Variants in COX7A2 observed in about 807,000 individuals in gnomAD.
COX7A2 encodes cytochrome c oxidase subunit 7A2.
A neutral mutation model predicts 11.6 loss-of-function variants in COX7A2; 11 were observed. The observed-to-expected ratio is 0.95, with a 90% CI of 0.60 to 1.57. COX7A2 has a LOEUF of 1.57. COX7A2 is among the 40% of genes most tolerant of loss of function. COX7A2 has a pLI of 0.00. For synonymous variants in COX7A2, 30 were observed against 38.2 expected, an observed-to-expected ratio of 0.78 and a Z score of 0.79; for missense variants, 106 against 100.9, an observed-to-expected ratio of 1.05 and a Z score of -0.22.
At chr6:75,243,936 T>G, upstream of COX7A2, 2 of 991,072 alleles carry the variant, frequency 2.0e-6, no homozygotes, top group South Asian at 1.5e-5. Context: ...TCTAGCCGGC[T>G]CGCCGTCTCA....
chr6:75,245,490 C>CAA (rs11446150), upstream of COX7A2, among the ~76,000 whole-genome samples: 1,730 of 132,312 alleles, frequency 0.013, 25 homozygotes, highest in African/African-American at 0.024. Context: ...GACTTCATAT[C>CAA]AAAAAAAAAA....
At chr6:75,238,473 C>T (rs1325759427) in intron 3 of COX7A2, among the ~76,000 whole-genome samples, 2 of 151,616 alleles carry the variant, frequency 1.3e-5, no homozygotes, top group Non-Finnish European at 1.5e-5. Context: ...TTTGGGAGGC[C>T]GAGGCGGGCG....
At chr6:75,248,017 GCT>G (rs1198322585), upstream of COX7A2, among the ~76,000 whole-genome samples, 1 of 151,724 alleles carries the variant, frequency 6.6e-6, no homozygotes, top group Non-Finnish European at 1.5e-5. Context: ...TTTATAACCT[GCT>G]CTCTCTGCAG....
rs1252307412 is a variant in COX7A2, at chr6:75,241,062, G to T, written c.108+114C>A. ...ATGGTACATGTCCTTGACTTTTTTT[G>T]TAATGTTTATATTGTCATATGATCT... On this transcript the variant is annotated intron_variant, in intron 2 of 3. Transcript: ENST00000684430. 6 of 1,343,918 alleles carry T rather than the reference G, an allele frequency of 4.5e-6. No homozygotes were observed. The Admixed American group carries it at 8.4e-5, about 19-fold the overall frequency. The allele number at this position is 1,343,918 out of a possible 1,614,324, so 83.2% of individuals were successfully genotyped here. A position where few individuals can be genotyped will look rare whatever the true frequency, so the allele number is the denominator to read the frequency against.
chr6:75,243,851 G>A (rs1771612355), upstream of COX7A2: 1 of 1,608,408 alleles, frequency 6.2e-7, no homozygotes, highest in African/African-American at 1.3e-5. Flanking sequence ...AAATCTTTCC[G>A]GGCCGAAGAG....
chr6:75,244,005 G>T, upstream of COX7A2: 1 of 565,490 alleles, frequency 1.8e-6, no homozygotes, highest in Non-Finnish European at 3.1e-6. Flanking sequence ...CTGGAGCTAA[G>T]GCTGGGGAAA....
chr6:75,244,059 T>C (rs996260486), upstream of COX7A2: 6 of 409,778 alleles, frequency 1.5e-5, no homozygotes, highest in African/African-American at 1.2e-4. Context: ...TTAGATGAAG[T>C]CAATGTGAGA....
At chr6:75,247,156 A>T (rs147652299), upstream of COX7A2, among the ~76,000 whole-genome samples, 1 of 152,322 alleles carries the variant, frequency 6.6e-6, no homozygotes, top group African/African-American at 2.4e-5. Flanking sequence ...GTACTAAGTG[A>T]AAATATCTCA....
In COX7A2 at chr6:75,241,100, T is replaced by C. The variant is rs1325943787; in HGVS notation, c.108+76A>G. The C allele has an allele frequency of 5.2e-6, 8 of 1,529,388 alleles. No homozygotes were observed. The Admixed American group carries it at 5.2e-5, about 10-fold the overall frequency. 94.7% of individuals were successfully genotyped at this position (1,529,388 alleles called of 1,614,324 possible). A position where few individuals can be genotyped will look rare whatever the true frequency, so the allele number is the denominator to read the frequency against. On this transcript the variant is annotated intron_variant, in intron 2 of 3. Transcript: ENST00000684430. ...TGTCATATGATCTAATTTATACACA[T>C]ACTTGTTTATCCCAACTCTTACCTT...
intron 1 of COX7A2, among the ~76,000 whole-genome samples, chr6:75,243,330 T>C (rs1052173106): frequency 2.6e-5 from 4 of 152,086 alleles, no homozygotes; most frequent in Non-Finnish European, 4.4e-5. Context: ...TTAAAACCTT[T>C]CAGTACCAGA....
chr6:75,247,690 ATTTT>A (rs201436077), upstream of COX7A2, among the ~76,000 whole-genome samples: 2 of 147,868 alleles, frequency 1.4e-5, no homozygotes, highest in African/African-American at 4.9e-5. Context: ...CTAATCTCTG[ATTTT>A]TTTTTTTATC....
At chr6:75,240,563 C>A (rs1771468558) in intron 2 of COX7A2, 178 bp from the exon 3 acceptor site, 3 of 486,396 alleles carry the variant, frequency 6.2e-6, no homozygotes, top group Non-Finnish European at 1.1e-5. Flanking sequence ...ACTACTACTA[C>A]TTTTAAAATA....
At chr6:75,240,556 A>G in intron 2 of COX7A2, 171 bp from the exon 3 acceptor site, 1 of 498,314 alleles carries the variant, frequency 2.0e-6, no homozygotes, top group African/African-American at 2.0e-5. Flanking sequence ...CGTCTCTACT[A>G]CTACTACTTT....
At chr6:75,249,919 C>T (rs1014120291) in intron 1 of COX7A2, 3 of 152,080 alleles carry the variant, frequency 2.0e-5, no homozygotes, top group Non-Finnish European at 2.9e-5. Context: ...GAAGAAAAAC[C>T]TAAACTAAAT....
chr6:75,243,567 A>C, intron 1 of COX7A2, 150 bp downstream of exon 1: 1 of 699,174 alleles, frequency 1.4e-6, no homozygotes, highest in Non-Finnish European at 2.5e-6. Flanking sequence ...ACGGAAGGGA[A>C]AGTAAGGTCA....
chr6:75,247,473 T>C (rs1466531948), upstream of COX7A2, among the ~76,000 whole-genome samples: 1 of 152,206 alleles, frequency 6.6e-6, no homozygotes, highest in Non-Finnish European at 1.5e-5. Context: ...TTCAATATAA[T>C]TCCATACTTT....
upstream of COX7A2, among the ~76,000 whole-genome samples, chr6:75,244,590 T>C (rs552266323): frequency 5.1e-4 from 78 of 152,358 alleles, 3 homozygotes; most frequent in South Asian, 0.014. Flanking sequence ...TTACAAGTGT[T>C]TATTTCTTGT....
intron 1 of COX7A2, among the ~76,000 whole-genome samples, chr6:75,243,087 T>C (rs1173773596): frequency 6.6e-6 from 1 of 152,188 alleles, no homozygotes; most frequent in Non-Finnish European, 1.5e-5. Flanking sequence ...GAAGCAAAAC[T>C]TCATTAAATA....
intron 1 of COX7A2, among the ~76,000 whole-genome samples, chr6:75,249,490 TAATC>T (rs1359182408): frequency 6.6e-6 from 1 of 152,204 alleles, no homozygotes; most frequent in Non-Finnish European, 1.5e-5. Context: ...GTAAGATACA[TAATC>T]TATTTATACC....
Sources: gnomAD v4.1 joint callset for allele counts (sites outside exome capture counted in the v4.1 genomes callset) on GRCh38, gnomAD v4.1.1 for gene constraint, MANE v1.5 for transcripts, NCBI Gene and HGNC (gene_info 2026-07-23, HGNC 2026-07-21) for gene names.